The following RAPGEF2 variants were observed in gnomAD, a reference collection of about 807,000 sequenced individuals.
RAPGEF2 encodes the protein Rap guanine nucleotide exchange factor 2, also known as PDZ domain containing guanine nucleotide exchange factor (GEF) 1.
Under a neutral mutation model 186.7 loss-of-function variants are expected in RAPGEF2, and 54 were observed. That is an observed-to-expected ratio of 0.29 (90% CI 0.23 to 0.36). The LOEUF (loss-of-function observed/expected upper bound fraction) is 0.36, where lower values mean the gene tolerates loss of function less well. Among genes scored for constraint, RAPGEF2 ranks in the 10% least tolerant of loss-of-function variants. RAPGEF2 has a pLI of 1.00. For synonymous variants in RAPGEF2, 712 were observed against 705.9 expected, an observed-to-expected ratio of 1.01 and a Z score of -0.14; for missense variants, 1,532 against 2,045.0, an observed-to-expected ratio of 0.75 and a Z score of 4.84.
At chr4:159,166,263 G>A (rs1444029189) in intron 1 of RAPGEF2, among the ~76,000 whole-genome samples, 1 of 151,916 alleles carries the variant, frequency 6.6e-6, no homozygotes, top group African/African-American at 2.4e-5. Flanking sequence ...GCAGTGAGCC[G>A]AGATCATGCC....
chr4:159,187,475 C>T (rs1747677207), intron 2 of RAPGEF2, among the ~76,000 whole-genome samples: 1 of 152,130 alleles, frequency 6.6e-6, no homozygotes, highest in South Asian at 2.1e-4. Context: ...GAAACCAGAA[C>T]CTTTTAAATT....
chr4:159,155,045 T>C (rs1031189673), intron 1 of RAPGEF2, among the ~76,000 whole-genome samples: 2 of 152,194 alleles, frequency 1.3e-5, no homozygotes, highest in Admixed American at 6.5e-5. Context: ...AAATTTGATA[T>C]TTCGAATTCA....
intron 7 of RAPGEF2, among the ~76,000 whole-genome samples, chr4:159,302,956 A>C (rs1056953012): frequency 1.4e-4 from 21 of 152,032 alleles, no homozygotes; most frequent in Non-Finnish European, 2.5e-4. Flanking sequence ...CAACAAATGA[A>C]TTTTTCTCCA....
At chr4:159,257,289 T>A (rs776809589) in intron 7 of RAPGEF2, among the ~76,000 whole-genome samples, 1 of 152,210 alleles carries the variant, frequency 6.6e-6, no homozygotes, top group Non-Finnish European at 1.5e-5. Flanking sequence ...GGACTCACAG[T>A]GCCACCTGGC....
chr4:159,158,843 G>A (rs1192266883), intron 1 of RAPGEF2, among the ~76,000 whole-genome samples: 1 of 152,162 alleles, frequency 6.6e-6, no homozygotes, highest in Non-Finnish European at 1.5e-5. Flanking sequence ...TGACAACCTC[G>A]CTAGAGGCCC....
At chr4:159,315,837 G>A (rs1421567906) in intron 9 of RAPGEF2, among the ~76,000 whole-genome samples, 1 of 152,172 alleles carries the variant, frequency 6.6e-6, no homozygotes, top group African/African-American at 2.4e-5. Context: ...AGGTGTACAG[G>A]ATGGAACATG....
At chr4:159,145,643 A>G (rs976984394) in intron 1 of RAPGEF2, among the ~76,000 whole-genome samples, 8 of 152,232 alleles carry the variant, frequency 5.3e-5, no homozygotes, top group Admixed American at 2.0e-4. Flanking sequence ...GACCAGTGGC[A>G]TGTCAAGCAT....
chr4:159,167,838 A>G (rs1041007117), intron 1 of RAPGEF2, among the ~76,000 whole-genome samples: 3 of 152,124 alleles, frequency 2.0e-5, no homozygotes, highest in African/African-American at 7.2e-5. Context: ...AAGTTATACA[A>G]TAACTGGATA....
chr4:159,202,265 C>G (rs935198590), intron 3 of RAPGEF2, among the ~76,000 whole-genome samples: 1 of 152,212 alleles, frequency 6.6e-6, no homozygotes, highest in Non-Finnish European at 1.5e-5. Flanking sequence ...GGCCATATTG[C>G]ACTTGCTCTG....
At chr4:159,322,062 A>G (rs1765299302) in intron 9 of RAPGEF2, among the ~76,000 whole-genome samples, 1 of 152,202 alleles carries the variant, frequency 6.6e-6, no homozygotes, top group African/African-American at 2.4e-5. Flanking sequence ...TTTACAATAG[A>G]AATTTCCCAT....
In RAPGEF2 at chr4:159,210,546, G is replaced by A. The variant is rs1367709425; in HGVS notation, c.244G>A (p.Val82Met). ...CTGGTATATCCTTCTTTCTGGTTCC[G>A]TGTTCATCAAGGAATCCATGTTTCT... ...TCWYILLSGS[V>M]FIKESMFLPR... is the part of the protein sequence containing the mutation. The change falls in exon 4 of 30, where the codon GTG becomes ATG. Residue 82 changes from valine to methionine, a missense_variant. Coordinates refer to ENST00000691494, the MANE Select transcript of RAPGEF2 (RefSeq NM_001394067.2). The A allele has an allele frequency of 1.3e-6, 2 of 1,534,296 alleles. No individual in the cohort carries two copies. Among genetic ancestry groups the A allele is most frequent in the Non-Finnish European group, 1.7e-6 (2 of 1,145,568 alleles).
intron 7 of RAPGEF2, among the ~76,000 whole-genome samples, chr4:159,283,553 A>G (rs1382369068): frequency 6.6e-6 from 1 of 152,214 alleles, no homozygotes; most frequent in Non-Finnish European, 1.5e-5. Flanking sequence ...TATCATAAAC[A>G]TGAATCATTA....
At chr4:159,166,968 C>G (rs889703987) in intron 1 of RAPGEF2, among the ~76,000 whole-genome samples, 3 of 152,116 alleles carry the variant, frequency 2.0e-5, no homozygotes, top group African/African-American at 7.2e-5. Flanking sequence ...GGACATATTA[C>G]AGCAGGGTAG....
chr4:159,136,300 G>A (rs963300184), intron 1 of RAPGEF2, among the ~76,000 whole-genome samples: 4 of 152,138 alleles, frequency 2.6e-5, no homozygotes, highest in African/African-American at 7.2e-5. Flanking sequence ...ATTAGATTTG[G>A]GTGTGAAAGA....
chr4:159,320,981 C>CT (rs1478788765), intron 9 of RAPGEF2, among the ~76,000 whole-genome samples: 2 of 151,952 alleles, frequency 1.3e-5, no homozygotes, highest in African/African-American at 4.8e-5. Context: ...CTTTTATCAT[C>CT]TTTATTGCAT....
At chr4:159,321,766 G>A (rs1458397022) in intron 9 of RAPGEF2, among the ~76,000 whole-genome samples, 1 of 152,184 alleles carries the variant, frequency 6.6e-6, no homozygotes, top group Non-Finnish European at 1.5e-5. Flanking sequence ...TAGGAAAGAA[G>A]AGTGAACAAA....
At chr4:159,204,549 TTCTA>T (rs1265684301) in intron 3 of RAPGEF2, among the ~76,000 whole-genome samples, 1 of 152,200 alleles carries the variant, frequency 6.6e-6, no homozygotes, top group Non-Finnish European at 1.5e-5. Context: ...CCCAGAGGCT[TTCTA>T]TCTGTTTACA....
chr4:159,277,626 C>T (rs1024682610), intron 7 of RAPGEF2, among the ~76,000 whole-genome samples: 28 of 152,114 alleles, frequency 1.8e-4, no homozygotes, highest in Non-Finnish European at 2.9e-4. Flanking sequence ...TTCTAACTGG[C>T]GTAAGATGGT....
intron 7 of RAPGEF2, among the ~76,000 whole-genome samples, chr4:159,294,689 T>TCCTTCCTTCCTTCCTTC (rs1362823909): frequency 6.6e-6 from 1 of 151,156 alleles, no homozygotes; most frequent in Non-Finnish European, 1.5e-5. Context: ...CTTCCTTCCT[T>TCCTTCCTTCCTTCCTTC]CTTTCCGTCC....
Sources: allele counts gnomAD v4.1 joint callset (sites outside exome capture counted in the v4.1 genomes callset), GRCh38; gene constraint gnomAD v4.1.1; transcripts MANE v1.5; gene names NCBI Gene and HGNC (gene_info 2026-07-23, HGNC 2026-07-21).